The following PHF14 variants were observed in gnomAD, a reference collection of about 807,000 sequenced individuals.
The protein encoded by PHF14 is PHD finger protein 14.
A neutral mutation model predicts 117.9 loss-of-function variants in PHF14; 55 were observed. The ratio of observed to expected loss-of-function variants is 0.47; its 90% CI spans 0.38 to 0.58. The LOEUF is 0.58. Ranked by LOEUF, PHF14 falls within the 20% of genes least tolerant of loss-of-function variation. The pLI is 0.00. For synonymous variants in PHF14, 409 were observed against 368.6 expected (o/e 1.11, Z -1.26); for missense variants, 978 against 1,122.2 (o/e 0.87, Z 1.84).
intron 5 of PHF14, among the ~76,000 whole-genome samples, chr7:11,018,875 G>T (rs1400528802): frequency 6.6e-6 from 1 of 152,112 alleles, no homozygotes; most frequent in Non-Finnish European, 1.5e-5. Flanking sequence ...CTAGCTGTGG[G>T]TCTGTCATAT....
chr7:11,016,997 T>G (rs1783556774), intron 5 of PHF14, among the ~76,000 whole-genome samples: 1 of 152,176 alleles, frequency 6.6e-6, no homozygotes, highest in Non-Finnish European at 1.5e-5. Flanking sequence ...TGAGAACATG[T>G]GATGTTTGTC....
At chr7:11,076,189 T>A (rs1244974091) in intron 16 of PHF14, among the ~76,000 whole-genome samples, 1 of 152,116 alleles carries the variant, frequency 6.6e-6, no homozygotes, top group Non-Finnish European at 1.5e-5. Context: ...GGCTACAGAG[T>A]CCATGGTTTT....
chr7:11,098,256 G>A (rs1463859343), intron 16 of PHF14, among the ~76,000 whole-genome samples: 2 of 151,948 alleles, frequency 1.3e-5, no homozygotes, highest in Non-Finnish European at 2.9e-5. Context: ...AGAATATTTT[G>A]GGAACAGTTT....
chr7:11,080,368 GT>G (rs969243103), intron 16 of PHF14, among the ~76,000 whole-genome samples: 6 of 151,950 alleles, frequency 3.9e-5, no homozygotes, highest in South Asian at 2.1e-4. Context: ...ACTACTTGGT[GT>G]TTTTTTCCCC....
At chr7:10,983,181 A>G (rs752442183) in intron 3 of PHF14, 22 bp downstream of exon 3, 1 of 1,567,632 alleles carries the variant, frequency 6.4e-7, no homozygotes, top group African/African-American at 1.4e-5. Context: ...CAATTTTTAT[A>G]TCTGTCTGTC....
At chr7:11,101,648 C>G (rs1787098486) in intron 16 of PHF14, among the ~76,000 whole-genome samples, 3 of 151,572 alleles carry the variant, frequency 2.0e-5, no homozygotes, top group Admixed American at 1.3e-4. Flanking sequence ...CATGATAGCT[C>G]TCCTCAGTAA....
intron 17 of PHF14, among the ~76,000 whole-genome samples, chr7:11,120,316 A>C (rs1460472850): frequency 6.6e-6 from 1 of 152,026 alleles, no homozygotes; most frequent in Non-Finnish European, 1.5e-5. Flanking sequence ...GGAAGTATAG[A>C]GGTGCTCAGT....
chr7:11,020,916 C>T (rs1783712895), intron 5 of PHF14, among the ~76,000 whole-genome samples: 1 of 152,132 alleles, frequency 6.6e-6, no homozygotes, highest in Admixed American at 6.5e-5. Context: ...ATCTTTATAA[C>T]TTCCAAACTA....
chr7:10,974,296 C>T lies in PHF14; in HGVS notation c.-28C>T. On this transcript the variant is annotated 5_prime_UTR_variant, in exon 1 of 18. Transcript: ENST00000634607. ...CTCCTGCAGCCTCTCCCTAAGTCTT[C>T]TCCAAACGACCACCTCACGGATTCC... 1 of 1,584,488 alleles carries T rather than the reference C, an allele frequency of 6.3e-7. No homozygotes were observed. The highest frequency in any genetic ancestry group is 8.6e-7 in the Non-Finnish European group (1 of 1,164,224).
At chr7:10,978,434 A>G (rs1439791217) in intron 2 of PHF14, among the ~76,000 whole-genome samples, 1 of 152,228 alleles carries the variant, frequency 6.6e-6, no homozygotes, top group Non-Finnish European at 1.5e-5. Context: ...GGAACTATGA[A>G]CAGAAGGATT....
At chr7:11,086,030 TA>T (rs1230163044) in intron 16 of PHF14, among the ~76,000 whole-genome samples, 1 of 152,186 alleles carries the variant, frequency 6.6e-6, no homozygotes, top group East Asian at 1.9e-4. Flanking sequence ...AAACCGAGGA[TA>T]ATAATCTTTT....
rs546405703 is a variant in PHF14 at position 10,988,119 on chromosome 7, A to G, written c.901-2584A>G. On this transcript the variant is annotated intron_variant, in intron 3 of 17. Coordinates refer to ENST00000634607, the MANE Select transcript of PHF14 (RefSeq NM_001007157.2). Reference sequence around the variant, plus strand: ...TTTTCCAGTTGAAACATTGTCTGCTAGCCATTTAGTTAGGGAAATATTTTA... The same window carrying G: ...TTTTCCAGTTGAAACATTGTCTGCTGGCCATTTAGTTAGGGAAATATTTTA... Among the ~76,000 whole-genome samples, 79 of 151,732 alleles carry G rather than the reference A, an allele frequency of 5.2e-4. 2 individuals are homozygous for G. Among genetic ancestry groups the G allele is most frequent in the African/African-American group, 1.9e-3 (77 of 41,424 alleles).
At chr7:11,109,789 A>G (rs548228369) in intron 16 of PHF14, 2 of 152,040 alleles carry the variant, frequency 1.3e-5, no homozygotes, top group African/African-American at 2.4e-5. Flanking sequence ...TTGTCATAGT[A>G]AATAAAGTAC....
At chr7:11,122,443 G>GTA (rs1039591632) in intron 17 of PHF14, among the ~76,000 whole-genome samples, 13 of 119,046 alleles carry the variant, frequency 1.1e-4, no homozygotes, top group South Asian at 2.6e-4. Flanking sequence ...ATATATATAC[G>GTA]TATATATATA....
At chr7:11,038,029 G>A (rs895300181) in intron 10 of PHF14, among the ~76,000 whole-genome samples, 2 of 152,096 alleles carry the variant, frequency 1.3e-5, no homozygotes, top group Admixed American at 1.3e-4. Context: ...TAGTAAAAAT[G>A]CCAGCAGAAA....
intron 17 of PHF14, among the ~76,000 whole-genome samples, chr7:11,164,168 C>T (rs1341215017): frequency 6.6e-6 from 1 of 152,016 alleles, no homozygotes; most frequent in South Asian, 2.1e-4. Flanking sequence ...ACTGTTGTAC[C>T]ACCATGGATG....
chr7:10,977,751 A>T (rs1246837084), intron 2 of PHF14, among the ~76,000 whole-genome samples: 1 of 152,218 alleles, frequency 6.6e-6, no homozygotes, highest in African/African-American at 2.4e-5. Flanking sequence ...CCACCAGAAG[A>T]ACCATATGTA....
chr7:11,101,946 C>T (rs1223038668), intron 16 of PHF14, among the ~76,000 whole-genome samples: 1 of 151,618 alleles, frequency 6.6e-6, no homozygotes, highest in African/African-American at 2.4e-5. Flanking sequence ...CTAATATAGT[C>T]TTTTTAAAAG....
rs1205165095 is a variant in PHF14, at chr7:11,051,662, T to C, written c.2363T>C (p.Met788Thr). The C allele has an allele frequency of 1.2e-6, 2 of 1,613,622 alleles. No individual in the cohort carries two copies. The highest frequency in any genetic ancestry group is 1.7e-6 in the Non-Finnish European group (2 of 1,179,688). The change falls in exon 14 of 18, where the codon ATG becomes ACG. Residue 788 changes from methionine (M) to threonine (T), a missense_variant. This residue lies in a region of PHF14 where 180 missense variants were observed against 195.4 expected (regional missense o/e 0.92). Coordinates refer to ENST00000634607, the MANE Select transcript of PHF14 (RefSeq NM_001007157.2). ...GGGAGCAGTGACATGGAAGCAGATA[T>C]GGCCATGGAAACCCTACCAGATGGA... ...QAGSSDMEAD[M>T]AMETLPDGTK...
Sources: gnomAD v4.1 joint callset for allele counts (sites outside exome capture counted in the v4.1 genomes callset) on GRCh38, gnomAD v4.1.1 for gene constraint, gnomAD v4.1.1 regional missense constraint, MANE v1.5 for transcripts, NCBI Gene and HGNC (gene_info 2026-07-23, HGNC 2026-07-21) for gene names.